Variants in METTL15 observed in about 807,000 individuals in gnomAD.
The protein encoded by METTL15 is 12S rRNA N(4)-cytidine methyltransferase METTL15.
Under a neutral mutation model 38.3 loss-of-function variants are expected in METTL15, and 34 were observed. The ratio of observed to expected loss-of-function variants is 0.89; its 90% CI spans 0.68 to 1.18. The LOEUF is 1.18. Among genes scored for constraint, METTL15 ranks in the 50% most tolerant of loss-of-function variants. The pLI is 0.00. For synonymous variants in METTL15, 162 were observed against 170.9 expected, an observed-to-expected ratio of 0.95 and a Z score of 0.41; for missense variants, 438 against 498.4, an observed-to-expected ratio of 0.88 and a Z score of 1.15.
intron 3 of METTL15, among the ~76,000 whole-genome samples, chr11:28,209,743 G>A (rs1488013089): frequency 6.6e-6 from 1 of 151,920 alleles, no homozygotes; most frequent in African/African-American, 2.4e-5. Context: ...AAAAATCAAA[G>A]CATAATTGCA....
intron 3 of METTL15, among the ~76,000 whole-genome samples, chr11:28,161,280 C>G (rs1850454473): frequency 6.6e-6 from 1 of 151,684 alleles, no homozygotes; most frequent in Non-Finnish European, 1.5e-5. Context: ...AGGCCACCAC[C>G]CCAGCTAATT....
chr11:28,115,815 CA>C (rs1357562512), intron 3 of METTL15, among the ~76,000 whole-genome samples: 1 of 151,816 alleles, frequency 6.6e-6, no homozygotes, highest in Non-Finnish European at 1.5e-5. Flanking sequence ...TTTCGCAGTT[CA>C]AACCTGTGTT....
intron 3 of METTL15, among the ~76,000 whole-genome samples, chr11:28,179,959 T>A (rs1233033874): frequency 6.6e-6 from 1 of 151,838 alleles, no homozygotes; most frequent in African/African-American, 2.4e-5. Context: ...GTATGGTATG[T>A]CATTGGTATT....
intron 6 of METTL15, among the ~76,000 whole-genome samples, chr11:28,505,091 G>T (rs906422840): frequency 6.6e-6 from 1 of 152,146 alleles, no homozygotes; most frequent in African/African-American, 2.4e-5. Context: ...TGGACCTGGT[G>T]GGAAGCTGGC....
chr11:28,274,647 A>C (rs1430828554), intron 4 of METTL15, among the ~76,000 whole-genome samples: 1 of 152,050 alleles, frequency 6.6e-6, no homozygotes, highest in African/African-American at 2.4e-5. Context: ...TTTTGAACTA[A>C]TGTATGGTTT....
chr11:28,419,021 C>T (rs1850797424), intron 5 of METTL15, among the ~76,000 whole-genome samples: 2 of 152,218 alleles, frequency 1.3e-5, no homozygotes, highest in African/African-American at 4.8e-5. Context: ...CCAGCAAGTC[C>T]TAGTGCTGTG....
intron 6 of METTL15, among the ~76,000 whole-genome samples, chr11:28,318,161 A>C (rs139445149): frequency 3.3e-4 from 50 of 152,280 alleles, no homozygotes; most frequent in Admixed American, 1.0e-3. Flanking sequence ...CCACATTCCA[A>C]ATATTGTTTA....
chr11:28,160,672 T>C (rs749580962), intron 3 of METTL15, among the ~76,000 whole-genome samples: 3 of 152,158 alleles, frequency 2.0e-5, no homozygotes, highest in Non-Finnish European at 2.9e-5. Context: ...GCCTATGATA[T>C]CAATATGTGA....
At chr11:28,166,565 C>CT (rs2133753447) in intron 3 of METTL15, among the ~76,000 whole-genome samples, 1 of 152,252 alleles carries the variant, frequency 6.6e-6, no homozygotes, top group East Asian at 1.9e-4. Context: ...TTCTAGAGAA[C>CT]TTACGTTCTG....
chr11:28,112,307 A>G (rs948884825), intron 2 of METTL15, among the ~76,000 whole-genome samples: 4 of 152,196 alleles, frequency 2.6e-5, no homozygotes, highest in Non-Finnish European at 5.9e-5. Flanking sequence ...CATTTTCTTC[A>G]GAAAACATTT....
At chr11:28,275,271 G>T (rs914397134) in intron 4 of METTL15, among the ~76,000 whole-genome samples, 4 of 151,538 alleles carry the variant, frequency 2.6e-5, no homozygotes, top group African/African-American at 9.7e-5. Flanking sequence ...AAATGAAAAA[G>T]GAGACATTAC....
At chr11:28,491,045 C>T (rs1851490207) in intron 6 of METTL15, among the ~76,000 whole-genome samples, 1 of 152,112 alleles carries the variant, frequency 6.6e-6, no homozygotes, top group Non-Finnish European at 1.5e-5. Context: ...TAAATCTTGG[C>T]ATCCCTAAAA....
intron 5 of METTL15, among the ~76,000 whole-genome samples, chr11:28,380,486 ATAAT>A (rs1451418558): frequency 1.3e-5 from 2 of 152,090 alleles, no homozygotes; most frequent in Non-Finnish European, 2.9e-5. Context: ...GTTATTACTG[ATAAT>A]TAATAATTTA....
At chr11:28,249,841 T>C (rs1242627977) in intron 4 of METTL15, among the ~76,000 whole-genome samples, 1 of 151,980 alleles carries the variant, frequency 6.6e-6, no homozygotes, top group African/African-American at 2.4e-5. Flanking sequence ...ATAAGCACAA[T>C]ACCTGATAGG....
chr11:28,115,991 G>C (rs1239526181), intron 3 of METTL15, among the ~76,000 whole-genome samples: 1 of 151,114 alleles, frequency 6.6e-6, no homozygotes, highest in Admixed American at 6.6e-5. Context: ...GGATTTACCA[G>C]TGCACCACAA....
In METTL15 at chr11:28,313,315, T is replaced by TA. The variant is rs146855447; in HGVS notation, c.778+16388dup. Among the ~76,000 whole-genome samples the TA allele has an allele frequency of 4.5e-3, 688 of 152,172 alleles. 8 individuals are homozygous for TA. Among genetic ancestry groups the TA allele is most frequent in the African/African-American group, 0.016 (662 of 41,532 alleles). ...AGAATTTACCTTGTCTAATTGTTGA[T>TA]AAAATCTACATCACAAACACATGCA... is the stretch of plus-strand genomic sequence containing the variant. On this transcript the variant is annotated intron_variant, in intron 6 of 6. Transcript: ENST00000407364.
intron 6 of METTL15, among the ~76,000 whole-genome samples, chr11:28,456,469 C>T (rs1851170379): frequency 1.3e-5 from 2 of 151,660 alleles, no homozygotes; most frequent in African/African-American, 4.9e-5. Flanking sequence ...TGTTTTGAGG[C>T]AGATCTCTGT....
At chr11:28,112,028 G>A (rs1270544233) in intron 2 of METTL15, among the ~76,000 whole-genome samples, 2 of 151,990 alleles carry the variant, frequency 1.3e-5, no homozygotes, top group Non-Finnish European at 2.9e-5. Flanking sequence ...CTTTGGTGAA[G>A]TTAACATATT....
chr11:28,455,217 T>TGTG (rs1851157542), intron 6 of METTL15, among the ~76,000 whole-genome samples: 1 of 47,752 alleles, frequency 2.1e-5, no homozygotes, highest in South Asian at 6.2e-4. Context: ...ATCAGCTAGC[T>TGTG]TTTTTTTTTT....
Sources: gnomAD v4.1 joint callset for allele counts (sites outside exome capture counted in the v4.1 genomes callset) on GRCh38, gnomAD v4.1.1 for gene constraint, MANE v1.5 for transcripts, NCBI Gene and HGNC (gene_info 2026-07-23, HGNC 2026-07-21) for gene names.